Variants in PREX2 observed in about 807,000 individuals in gnomAD.
PREX2 encodes the protein phosphatidylinositol 3,4,5-trisphosphate-dependent Rac exchanger 2 protein.
PREX2 carries 107 observed loss-of-function variants against 203.2 expected under a neutral mutation model. That is an observed-to-expected ratio of 0.53 (90% CI 0.45 to 0.62). The LOEUF is 0.62. Ranked by LOEUF, PREX2 falls within the 20% of genes least tolerant of loss-of-function variation. The pLI is 0.00. For missense variants in PREX2, 1,777 were observed against 1,955.9 expected, an observed-to-expected ratio of 0.91 and a Z score of 1.72; for synonymous variants, 672 against 663.6, an observed-to-expected ratio of 1.01 and a Z score of -0.19.
intron 34 of PREX2, among the ~76,000 whole-genome samples, chr8:68,152,476 C>G (rs1811460489): frequency 6.6e-6 from 1 of 152,074 alleles, no homozygotes; most frequent in Middle Eastern, 3.2e-3. Flanking sequence ...CGGTTCCAAT[C>G]AGCCTAGTTG....
At chr8:67,965,374 C>T (rs1805738110) in intron 1 of PREX2, among the ~76,000 whole-genome samples, 1 of 152,028 alleles carries the variant, frequency 6.6e-6, no homozygotes, top group Admixed American at 6.6e-5. Context: ...GGTTTGAACC[C>T]TTGGCTTTGT....
chr8:68,141,886 TG>T (rs1811237584), intron 33 of PREX2, among the ~76,000 whole-genome samples: 1 of 152,222 alleles, frequency 6.6e-6, no homozygotes, highest in African/African-American at 2.4e-5. Flanking sequence ...TTATCAAGTT[TG>T]TTTTTTATAG....
At chr8:68,230,860 G>A (rs1458307152) in intron 39 of PREX2, among the ~76,000 whole-genome samples, 1 of 152,138 alleles carries the variant, frequency 6.6e-6, no homozygotes, top group Non-Finnish European at 1.5e-5. Context: ...CCTATCCACA[G>A]CCAACTGCCT....
chr8:68,095,583 A>G (rs146262454), intron 21 of PREX2, among the ~76,000 whole-genome samples: 1,557 of 146,234 alleles, frequency 0.011, 26 homozygotes, highest in African/African-American at 0.038. Context: ...GTGTGTGTGT[A>G]TATGTGTGTG....
intron 14 of PREX2, among the ~76,000 whole-genome samples, chr8:68,076,317 T>C (rs887767111): frequency 2.6e-5 from 4 of 151,740 alleles, no homozygotes; most frequent in African/African-American, 9.7e-5. Flanking sequence ...ATTAGCCGGG[T>C]GTGTTGGCAT....
chr8:67,975,994 G>A (rs1345842239), intron 1 of PREX2, among the ~76,000 whole-genome samples: 1 of 151,738 alleles, frequency 6.6e-6, no homozygotes, highest in Non-Finnish European at 1.5e-5. Flanking sequence ...GGGATTACAG[G>A]CGTGAGTCAC....
At chr8:68,169,614 ATTT>A (rs916675376) in intron 35 of PREX2, among the ~76,000 whole-genome samples, 5 of 152,160 alleles carry the variant, frequency 3.3e-5, no homozygotes, top group Non-Finnish European at 5.9e-5. Context: ...TATTATTTCC[ATTT>A]TTAAGGGGAA....
intron 25 of PREX2, chr8:68,114,404 T>C: frequency 2.2e-6 from 1 of 453,494 alleles, no homozygotes. Context: ...ATCACAGGTA[T>C]TTAGTAAATG....
chr8:67,994,127 G>A (rs1192617414), intron 1 of PREX2, among the ~76,000 whole-genome samples: 1 of 152,182 alleles, frequency 6.6e-6, no homozygotes, highest in Admixed American at 6.5e-5. Flanking sequence ...CTGTTATCTG[G>A]TCCTAGGAGA....
At chr8:67,969,686 G>T (rs1461701723) in intron 1 of PREX2, among the ~76,000 whole-genome samples, 1 of 152,172 alleles carries the variant, frequency 6.6e-6, no homozygotes, top group Admixed American at 6.5e-5. Context: ...TTTACCAGCT[G>T]CTGGGACCTT....
chr8:67,998,014 A>T (rs1040469031), intron 1 of PREX2, among the ~76,000 whole-genome samples: 3 of 152,302 alleles, frequency 2.0e-5, no homozygotes, highest in East Asian at 3.9e-4. Flanking sequence ...TGTTTGAATG[A>T]GGGAGCAGGA....
chr8:68,022,246 T>C, intron 4 of PREX2, 106 bp downstream of exon 4: 1 of 644,514 alleles, frequency 1.6e-6, no homozygotes, highest in East Asian at 2.7e-5. Context: ...GATACCTCTG[T>C]TAGCATCCCC....
At chr8:68,139,961 G>T (rs1811194401) in intron 33 of PREX2, among the ~76,000 whole-genome samples, 1 of 152,170 alleles carries the variant, frequency 6.6e-6, no homozygotes, top group South Asian at 2.1e-4. Context: ...AAGGCAGAGA[G>T]AACTCTATTT....
At chr8:67,998,262 C>T (rs956672481) in intron 1 of PREX2, among the ~76,000 whole-genome samples, 5 of 152,160 alleles carry the variant, frequency 3.3e-5, no homozygotes, top group African/African-American at 1.2e-4. Flanking sequence ...AGAAGGATGC[C>T]TCTAAGCTCC....
At chr8:68,223,886 T>C (rs1813006495) in intron 38 of PREX2, among the ~76,000 whole-genome samples, 1 of 152,252 alleles carries the variant, frequency 6.6e-6, no homozygotes. Flanking sequence ...ATGATTCACG[T>C]AAGAGAAAAA....
At chr8:68,083,416 T>G (rs180781013) in intron 18 of PREX2, 28 bp downstream of exon 18, 627 of 1,547,706 alleles carry the variant, frequency 4.1e-4, no homozygotes, top group Middle Eastern at 2.8e-3. Flanking sequence ...TGTGTGATTT[T>G]TTAAAAGTTA....
chr8:68,081,137 A>G (rs1307390352), intron 17 of PREX2, among the ~76,000 whole-genome samples: 1 of 152,112 alleles, frequency 6.6e-6, no homozygotes, highest in African/African-American at 2.4e-5. Context: ...ATTTTTCCAC[A>G]GGCGGAGGGT....
chr8:68,089,404 C>T (rs951258730), intron 19 of PREX2, among the ~76,000 whole-genome samples: 1 of 152,068 alleles, frequency 6.6e-6, no homozygotes, highest in East Asian at 1.9e-4. Context: ...GACAGGAAGC[C>T]CTCGGAGTCT....
intron 10 of PREX2, 44 bp from the exon 11 acceptor site, chr8:68,060,635 G>GA (rs1393692247): frequency 2.1e-6 from 3 of 1,402,824 alleles, no homozygotes; most frequent in Non-Finnish European, 3.0e-6. Flanking sequence ...ACTTGCTGGG[G>GA]AAAAAATTAA....
Sources: gnomAD v4.1 joint callset for allele counts (sites outside exome capture counted in the v4.1 genomes callset) on GRCh38, gnomAD v4.1.1 for gene constraint, MANE v1.5 for transcripts, NCBI Gene and HGNC (gene_info 2026-07-23, HGNC 2026-07-21) for gene names.